Variants in ATF7 observed in about 807,000 individuals in gnomAD.
The protein encoded by ATF7 is activating transcription factor 7.
Under a neutral mutation model 50.4 loss-of-function variants are expected in ATF7, and 10 were observed. The ratio of observed to expected loss-of-function variants is 0.20; its 90% confidence interval spans 0.12 to 0.34. The LOEUF (loss-of-function observed/expected upper bound fraction) is 0.34. Among genes scored for constraint, ATF7 ranks in the 10% least tolerant of loss-of-function variants. The pLI, the probability that ATF7 is intolerant of heterozygous loss-of-function variation, is 1.00. For synonymous variants in ATF7, 201 were observed against 226.4 expected, an observed-to-expected ratio of 0.89 and a Z score of 1.01; for missense variants, 465 against 613.9, an observed-to-expected ratio of 0.76 and a Z score of 2.56.
chr12:53,588,638 G>A (rs1942822911), intron 2 of ATF7, among the ~76,000 whole-genome samples: 1 of 152,192 alleles, frequency 6.6e-6, no homozygotes, highest in Non-Finnish European at 1.5e-5. Context: ...GGATCAGGAA[G>A]TAACCTAGCC....
chr12:53,621,504 C>G (rs945587109), intron 1 of ATF7, among the ~76,000 whole-genome samples: 1 of 151,958 alleles, frequency 6.6e-6, no homozygotes, highest in African/African-American at 2.4e-5. Flanking sequence ...ACTACATGGC[C>G]GGCGCGGTGG....
intron 1 of ATF7, among the ~76,000 whole-genome samples, chr12:53,615,439 A>G (rs946228245): frequency 2.6e-5 from 4 of 152,166 alleles, no homozygotes; most frequent in Non-Finnish European, 5.9e-5. Context: ...TCATGTTGGT[A>G]CCAGAAATAT....
intron 1 of ATF7, among the ~76,000 whole-genome samples, chr12:53,606,495 G>T (rs566593888): frequency 2.0e-5 from 3 of 152,126 alleles, no homozygotes; most frequent in African/African-American, 7.2e-5. Flanking sequence ...TGATCCACCC[G>T]CCTTGGTCTC....
At chr12:53,587,843 A>ATATATATATATATATTTTTTT in intron 2 of ATF7, among the ~76,000 whole-genome samples, 6 of 61,564 alleles carry the variant, frequency 9.7e-5, no homozygotes, top group East Asian at 3.3e-4. Context: ...ATATATATAT[A>ATATATATATATATATTTTTTT]TTTTTTTTTT....
At position 53,513,701 on chromosome 12, in the gene ATF7, G is replaced by A. The variant is rs999203863; in HGVS notation, c.*3436C>T. The stretch of plus-strand genomic sequence containing the variant: ...ATGAAAAAAGGAGAAAACTGGCGGG[G>A]ATAGCTGTATCAGGGGCTAGCACCT... On this transcript the variant is annotated 3_prime_UTR_variant, in exon 12 of 12. Transcript: ENST00000420353. The A allele has an allele frequency of 2.0e-5, 3 of 152,166 alleles. No homozygotes were observed. Among genetic ancestry groups the A allele is most frequent in the African/African-American group, 7.2e-5 (3 of 41,442 alleles). 9.4% of individuals were successfully genotyped at this position (152,166 alleles called of 1,614,324 possible).
downstream of ATF7, among the ~76,000 whole-genome samples, chr12:53,508,764 C>T (rs934467359): frequency 3.3e-5 from 5 of 152,062 alleles, no homozygotes; most frequent in African/African-American, 7.2e-5. Flanking sequence ...TTGCCAGCTC[C>T]GGCCATTTCC....
intron 2 of ATF7, among the ~76,000 whole-genome samples, chr12:53,556,752 G>T (rs1428532882): frequency 6.6e-6 from 1 of 152,164 alleles, no homozygotes; most frequent in African/African-American, 2.4e-5. Context: ...TGGGGTGAGT[G>T]GGCCTAAGCC....
intron 1 of ATF7, among the ~76,000 whole-genome samples, chr12:53,616,962 A>AG (rs1555154828): frequency 1.3e-5 from 2 of 151,100 alleles, no homozygotes; most frequent in African/African-American, 4.8e-5. Flanking sequence ...AAAAAAAAAA[A>AG]GGTGAGAAAA....
At chr12:53,614,856 G>A (rs578218339) in intron 1 of ATF7, among the ~76,000 whole-genome samples, 43 of 152,314 alleles carry the variant, frequency 2.8e-4, no homozygotes, top group African/African-American at 9.4e-4. Flanking sequence ...CAAGGCAGGC[G>A]GATCGCCTGA....
At chr12:53,610,426 G>A (rs1943813993) in intron 1 of ATF7, among the ~76,000 whole-genome samples, 1 of 151,960 alleles carries the variant, frequency 6.6e-6, no homozygotes, top group Non-Finnish European at 1.5e-5. Context: ...TTAGCCGGGT[G>A]TCATGGCAGG....
chr12:53,619,067 A>G lies in ATF7; in HGVS notation c.-22+7212T>C, dbSNP rs1376327929. Among the ~76,000 whole-genome samples the G allele has an allele frequency of 2.6e-5, 4 of 151,880 alleles. No individual in the cohort carries two copies. In the East Asian group the frequency reaches 5.8e-4, roughly 22 times the overall value. On this transcript the variant is annotated intron_variant, in intron 1 of 11. Coordinates refer to ENST00000420353, the MANE Select transcript of ATF7 (RefSeq NM_006856.3). ...ACTCTGTCTCCAAAAAAAAAAAAAA[A>G]GAAGAAAATGAAAAGTTAGGTCTAA...
intron 4 of ATF7, among the ~76,000 whole-genome samples, chr12:53,542,282 C>A (rs897806351): frequency 5.9e-5 from 9 of 151,644 alleles, no homozygotes. Flanking sequence ...AAAAAATTAG[C>A]CAGGTGTGGT....
chr12:53,549,284 C>CT (rs1391408586), intron 3 of ATF7, among the ~76,000 whole-genome samples: 1 of 88,988 alleles, frequency 1.1e-5, no homozygotes, highest in African/African-American at 5.0e-5. Context: ...GAGACTCCGT[C>CT]TCAAAAAAAA....
At chr12:53,545,404 C>T (rs530919111) in intron 3 of ATF7, among the ~76,000 whole-genome samples, 1 of 152,236 alleles carries the variant, frequency 6.6e-6, no homozygotes, top group East Asian at 1.9e-4. Flanking sequence ...ACTGCAACCT[C>T]CGCCTCACCG....
At chr12:53,581,129 A>C (rs1270182185) in intron 2 of ATF7, among the ~76,000 whole-genome samples, 2 of 151,932 alleles carry the variant, frequency 1.3e-5, no homozygotes, top group Non-Finnish European at 2.9e-5. Context: ...AAAATAAATA[A>C]AAAATAAAAA....
chr12:53,600,929 C>A (rs1359508946), intron 2 of ATF7, 24 bp downstream of exon 2: 1 of 1,611,076 alleles, frequency 6.2e-7, no homozygotes, highest in Admixed American at 1.7e-5. Flanking sequence ...GAGACATTCA[C>A]AATAAAGTAT....
At chr12:53,522,286 C>T (rs1040546104) in intron 11 of ATF7, among the ~76,000 whole-genome samples, 60 of 152,302 alleles carry the variant, frequency 3.9e-4, no homozygotes, top group African/African-American at 1.3e-3. Flanking sequence ...GTGCTGGGCG[C>T]GGTAGCTCAT....
intron 9 of ATF7, among the ~76,000 whole-genome samples, chr12:53,526,360 GGAT>G (rs1167264750): frequency 6.6e-6 from 1 of 151,752 alleles, no homozygotes; most frequent in African/African-American, 2.4e-5. Context: ...ATGATGAGGA[GGAT>G]GAAGACTTTT....
rs57447677 is a variant in ATF7, at chr12:53,547,747, TTATGTATGTATGTATG to T, written c.146-4315_146-4300del. On this transcript the variant is annotated intron_variant, in intron 3 of 11. Transcript: ENST00000420353. ...TGTGCACCACCATGCTCGGCTAATT[TTATGTATGTATGTATG>T]TATGTATGTATGTATGTATGTATGT... Among the ~76,000 whole-genome samples the T allele has an allele frequency of 2.6e-3, 394 of 149,190 alleles. 3 individuals are homozygous for T. The highest frequency in any genetic ancestry group is 7.9e-3 in the African/African-American group (318 of 40,418).
Sources: allele counts gnomAD v4.1 joint callset (sites outside exome capture counted in the v4.1 genomes callset), GRCh38; gene constraint gnomAD v4.1.1; transcripts MANE v1.5; gene names NCBI Gene and HGNC (gene_info 2026-07-23, HGNC 2026-07-21).